PITPNM1: variants seen among roughly 807,000 people sequenced by gnomAD.
The protein encoded by PITPNM1 is membrane-associated phosphatidylinositol transfer protein 1.
Under a neutral mutation model 133.3 loss-of-function variants are expected in PITPNM1, and 74 were observed. That is an observed-to-expected ratio of 0.56 (90% CI 0.46 to 0.67). The LOEUF is 0.67. Among genes scored for constraint, PITPNM1 ranks in the 30% least tolerant of loss-of-function variants. The probability of loss-of-function intolerance (pLI) is 0.00; values close to 1 mark genes in which losing one functional copy is unlikely to be tolerated. For missense variants in PITPNM1, 1,398 were observed against 1,739.5 expected (o/e 0.80, Z 3.49); for synonymous variants, 738 against 741.4 (o/e 1.00, Z 0.08).
At chr11:67,494,441 C>T (rs1866039727) in intron 18 of PITPNM1, 81 bp from the exon 19 acceptor site, 5 of 914,966 alleles carry the variant, frequency 5.5e-6, no homozygotes, top group Admixed American at 2.9e-5. Flanking sequence ...AGGATCCACA[C>T]GCAAACACCG....
In PITPNM1 at chr11:67,491,853, C is replaced by T. The variant is rs964956640; in HGVS notation, c.*180G>A. 23 of 670,714 alleles carry T rather than the reference C, an allele frequency of 3.4e-5. No homozygotes were observed. The highest frequency in any genetic ancestry group is 9.1e-5 in the Admixed American group (3 of 32,862). The allele number at this position is 670,714 out of a possible 1,614,324, so 41.5% of individuals were successfully genotyped here. The stretch of plus-strand genomic sequence containing the variant: ...ATGCCCACGCCCTCCTCCCTCCCCC[C>T]GGCGCTGGGTCCCCTCATATGAAAG... On this transcript the variant is annotated 3_prime_UTR_variant, in exon 24 of 24. Transcript: ENST00000356404.
At position 67,493,061 on chromosome 11, in the gene PITPNM1, A is replaced by G. The variant is rs772136787; in HGVS notation, c.3344T>C (p.Val1115Ala). The G allele has an allele frequency of 1.2e-4, 190 of 1,612,740 alleles. No individual in the cohort carries two copies. The highest frequency in any genetic ancestry group is 1.5e-4 in the Non-Finnish European group (182 of 1,179,856). Reference sequence around the variant, plus strand: ...ATAACCGGCCACGATGTTCAGTTCTACCTGTGGCGGGAGATGCCAATCAGC... The same window carrying G: ...ATAACCGGCCACGATGTTCAGTTCTGCCTGTGGCGGGAGATGCCAATCAGC... Reference protein sequence around the residue: ...AMFLQSLVQEVELNIVAGYGS... With the variant: ...AMFLQSLVQEAELNIVAGYGS... Residue 1115 changes from valine (V) to alanine (A), a missense_variant and splice_region_variant, in exon 23 of 24, where the codon GTA becomes GCA. This residue lies in a region of PITPNM1 where 233 missense variants were observed against 378.0 expected (regional missense o/e 0.62). Coordinates refer to ENST00000356404, the MANE Select transcript of PITPNM1 (RefSeq NM_004910.3).
In PITPNM1 at chr11:67,492,126, G is replaced by A. The variant is rs1304514142; in HGVS notation, c.3642C>T (p.Ser1214=). Residue 1214 remains serine, a synonymous_variant, in exon 24 of 24, where the codon AGC becomes AGT. Coordinates refer to ENST00000356404, the MANE Select transcript of PITPNM1 (RefSeq NM_004910.3). ...QSQLLRSRGP[S]QAEREGPGTP... is the part of the protein sequence containing the mutation. ...TTCCCGGGCCCTCACGCTCCGCCTG[G>A]CTGGGGCCCCTCGAGCGAAGCAGCT... is the stretch of plus-strand genomic sequence containing the variant. 1 of 1,612,028 alleles carries A rather than the reference G, an allele frequency of 6.2e-7. No individual in the cohort carries two copies. Among genetic ancestry groups the A allele is most frequent in the Non-Finnish European group, 8.5e-7 (1 of 1,179,832 alleles).
At position 67,497,280 on chromosome 11, in the gene PITPNM1, T is replaced by A. The variant is rs1158279204; in HGVS notation, c.2097A>T (p.Pro699=). The A allele has an allele frequency of 1.9e-6, 3 of 1,612,306 alleles. No homozygotes were observed. The highest frequency in any genetic ancestry group is 2.5e-6 in the Non-Finnish European group (3 of 1,179,590). Residue 699 remains proline, a synonymous_variant, in exon 14 of 24, where the codon CCA becomes CCT. Coordinates refer to ENST00000356404, the MANE Select transcript of PITPNM1 (RefSeq NM_004910.3). Reference sequence around the variant, plus strand: ...TGCGCAGAGCCAGCACCAGGCCCAGTGGGGAGCCGAAGAGGAAGAAGCCAG... The same window carrying A: ...TGCGCAGAGCCAGCACCAGGCCCAGAGGGGAGCCGAAGAGGAAGAAGCCAG... ...KVSGFFLFGS[P]LGLVLALRKT...
In PITPNM1 at chr11:67,500,024, C is replaced by T. The variant is rs1866272635; in HGVS notation, c.968-15G>A. ...AGACACAGCCCCTGCCGGGCCAGCT[C>T]AGCCTCAGCCTCAGCCCAGGAGCCC... On this transcript the variant is annotated splice_polypyrimidine_tract_variant and intron_variant, in intron 6 of 23. Coordinates refer to ENST00000356404, the MANE Select transcript of PITPNM1 (RefSeq NM_004910.3). 1.2e-6 allele frequency: 2 copies of T among 1,610,456 alleles called. No homozygotes were observed. Among genetic ancestry groups the T allele is most frequent in the African/African-American group, 1.3e-5 (1 of 74,902 alleles).
rs202115767 is a variant in PITPNM1 at position 67,498,021 on chromosome 11, C to A, written c.1678G>T (p.Ala560Ser). Residue 560 changes from alanine to serine, a missense_variant, in exon 12 of 24, where the codon GCA becomes TCA. By Grantham distance (99) the Ala-to-Ser change is moderately conservative. Transcript: ENST00000356404. This position sits in a 1 kb window ranked among gnomAD's most constrained non-coding sequence, Gnocchi z 5.7. ...CCACCAACACCATCTCCAATCAGTG[C>A]GACCTGGGTGGGAGCAGGGGCACCA... ...PEGAGFCGQV[A>S]LIGDGVGGIL... 4 of 1,609,794 alleles carry A rather than the reference C, an allele frequency of 2.5e-6. No individual in the cohort carries two copies. Among genetic ancestry groups the A allele is most frequent in the Non-Finnish European group, 3.4e-6 (4 of 1,179,794 alleles).
chr11:67,494,446 AC>A, intron 18 of PITPNM1, 86 bp from the exon 19 acceptor site: 1 of 660,340 alleles, frequency 1.5e-6, no homozygotes, highest in Non-Finnish European at 2.4e-6. Flanking sequence ...CCACACGCAA[AC>A]ACCGGGGTGG....
chr11:67,493,105 G>C (rs1489739026), intron 22 of PITPNM1, 43 bp from the exon 23 acceptor site: 10 of 1,609,352 alleles, frequency 6.2e-6, no homozygotes, highest in Non-Finnish European at 7.6e-6. Flanking sequence ...GGGTGGAGCC[G>C]TGCAGCTGGG....
chr11:67,500,043 GGAGCCCA>G, intron 6 of PITPNM1, 34 bp from the exon 7 acceptor site: 1 of 1,608,600 alleles, frequency 6.2e-7, no homozygotes, highest in Non-Finnish European at 8.5e-7. Flanking sequence ...CCTCAGCCCA[GGAGCCCA>G]GCCTGGGGAG....
chr11:67,493,247 G>A (rs1865994574), intron 22 of PITPNM1, among the ~76,000 whole-genome samples, 163 bp downstream of exon 22: 1 of 152,168 alleles, frequency 6.6e-6, no homozygotes, highest in African/African-American at 2.4e-5. Flanking sequence ...TAAGTACACG[G>A]GGCCCCTCAA....
chr11:67,497,992 G>T lies in PITPNM1; in HGVS notation c.1707C>A (p.Ile569=), dbSNP rs570459164. 6 of 1,610,908 alleles carry T rather than the reference G, an allele frequency of 3.7e-6. No individual in the cohort carries two copies. Among genetic ancestry groups the T allele is most frequent in the Non-Finnish European group, 5.1e-6 (6 of 1,179,980 alleles). The change falls in exon 12 of 24, where the codon ATC becomes ATA. Residue 569 remains isoleucine, a synonymous_variant. Coordinates refer to ENST00000356404, the MANE Select transcript of PITPNM1 (RefSeq NM_004910.3). ...VALIGDGVGG[I]LGFDALCHSA... Reference sequence around the variant, plus strand: ...TGTGGCAGAGTGCATCAAAGCCCAGGATGCCACCAACACCATCTCCAATCA... The same window carrying T: ...TGTGGCAGAGTGCATCAAAGCCCAGTATGCCACCAACACCATCTCCAATCA...
At position 67,493,317 on chromosome 11, in the gene PITPNM1, T is replaced by C. The variant is rs559408339; in HGVS notation, c.3342+93A>G. The stretch of plus-strand genomic sequence containing the variant: ...TCAGGCAGGGCCCGGGCCGATCCAG[T>C]TGGGAACAGATGGGCCTCCGCCGAT... On this transcript the variant is annotated intron_variant, in intron 22 of 23. Transcript: ENST00000356404. The C allele has an allele frequency of 9.3e-5, 124 of 1,340,046 alleles. No homozygotes were observed. The South Asian group carries it at 1.7e-3, about 18-fold the overall frequency. 83.0% of individuals were successfully genotyped at this position (1,340,046 alleles called of 1,614,324 possible).
At position 67,502,148 on chromosome 11, in the gene PITPNM1, C is replaced by T; in HGVS notation, c.416-62G>A. 6.4e-7 allele frequency: 1 copy of T among 1,565,300 alleles called. No homozygotes were observed. The highest frequency in any genetic ancestry group is 8.7e-7 in the Non-Finnish European group (1 of 1,147,792). Reference sequence around the variant, plus strand: ...CCTTTGAGCCCCCGCTCCTGGCACCCTCTTGGGACTGGATGACAGTTCCCG... The same window carrying T: ...CCTTTGAGCCCCCGCTCCTGGCACCTTCTTGGGACTGGATGACAGTTCCCG... On this transcript the variant is annotated intron_variant, in intron 4 of 23. Coordinates refer to ENST00000356404, the MANE Select transcript of PITPNM1 (RefSeq NM_004910.3). The surrounding 1 kb of genome is among the most constrained non-coding windows in gnomAD (Gnocchi z 5.9).
chr11:67,497,776 G>T (rs1866177379), intron 12 of PITPNM1, 97 bp from the exon 13 acceptor site: 1 of 1,540,390 alleles, frequency 6.5e-7, no homozygotes, highest in Non-Finnish European at 8.8e-7. Flanking sequence ...GTTGGGCAGA[G>T]CAGAATTCCA....
intron 2 of PITPNM1, among the ~76,000 whole-genome samples, chr11:67,503,543 C>T (rs1038417313): frequency 1.3e-5 from 2 of 152,200 alleles, no homozygotes; most frequent in Non-Finnish European, 2.9e-5. Flanking sequence ...GGTCCGGGCC[C>T]TCTTGCTTTA....
chr11:67,497,176 G>T, intron 14 of PITPNM1, 55 bp downstream of exon 14: 2 of 1,426,118 alleles, frequency 1.4e-6, no homozygotes, highest in South Asian at 1.3e-5. Context: ...AGAGGAGGTG[G>T]GGAAGGAAGG....
Position 67,502,026 on chromosome 11 carries a change from G to A in PITPNM1, c.476C>T (p.Pro159Leu). ...CGTCTTGACCGAGTGATAAAGCCGG[G>A]GGTCCTCTTCTGCTTTGTACTCGCC... The part of the protein sequence containing the change: ...APGEYKAEED[P>L]RLYHSVKTGR... Residue 159 changes from proline to leucine, a missense_variant, in exon 5 of 24, where the codon CCC (proline) becomes CTC (leucine). Around this residue, in one of 5 missense-constraint regions of PITPNM1, gnomAD observed 274 missense variants for 360.7 expected, o/e 0.76. Coordinates refer to ENST00000356404, the MANE Select transcript of PITPNM1 (RefSeq NM_004910.3). This position sits in a 1 kb window ranked among gnomAD's most constrained non-coding sequence, Gnocchi z 5.9. 2 of 1,613,428 alleles carry A rather than the reference G, an allele frequency of 1.2e-6. No individual in the cohort carries two copies. The highest frequency in any genetic ancestry group is 1.7e-6 in the Non-Finnish European group (2 of 1,180,024).
In PITPNM1 at chr11:67,491,911, G is replaced by T; in HGVS notation, c.*122C>A. On this transcript the variant is annotated 3_prime_UTR_variant, in exon 24 of 24. Coordinates refer to ENST00000356404, the MANE Select transcript of PITPNM1 (RefSeq NM_004910.3). ...ACACCGAGGAGCACACGGAGATATA[G>T]GGTGTGGGGCTGGGGGGGCCAGCGC... is the stretch of plus-strand genomic sequence containing the variant. 9.4e-7 allele frequency: 1 copy of T among 1,065,638 alleles called. No homozygotes were observed. The highest frequency in any genetic ancestry group is 1.3e-6 in the Non-Finnish European group (1 of 741,652). 66.0% of individuals were successfully genotyped at this position (1,065,638 alleles called of 1,614,324 possible).
In PITPNM1 at chr11:67,493,405, C is replaced by A; in HGVS notation, c.3342+5G>T. 1.3e-6 allele frequency: 2 copies of A among 1,573,914 alleles called. No homozygotes were observed. The highest frequency in any genetic ancestry group is 1.7e-6 in the Non-Finnish European group (2 of 1,155,202). On this transcript the variant is annotated splice_donor_5th_base_variant and intron_variant, in intron 22 of 23. Coordinates refer to ENST00000356404, the MANE Select transcript of PITPNM1 (RefSeq NM_004910.3). The stretch of plus-strand genomic sequence containing the variant: ...AGGACCCGGAGCCTCCCCCAGCCGC[C>A]GCACCTCCTGCACCAGGCTCTGCAG...
Sources: gnomAD v4.1 joint callset for allele counts (sites outside exome capture counted in the v4.1 genomes callset) on GRCh38, gnomAD v4.1.1 for gene constraint, gnomAD v4.1.1 regional missense constraint, Gnocchi (gnomAD v3.1) non-coding constraint, MANE v1.5 for transcripts, NCBI Gene and HGNC (gene_info 2026-07-23, HGNC 2026-07-21) for gene names.